Variants in SRP54 observed in about 807,000 individuals in gnomAD.
The protein encoded by SRP54 is signal recognition particle 54, also known as signal recognition particle subunit SRP54.
Under a neutral mutation model 64.8 loss-of-function variants are expected in SRP54, and 10 were observed. The observed-to-expected ratio is 0.15, with a 90% CI of 0.10 to 0.26. The LOEUF is 0.26. Ranked by LOEUF, SRP54 falls within the 10% of genes least tolerant of loss-of-function variation. The pLI is 1.00. For missense variants in SRP54, 325 were observed against 613.7 expected, an observed-to-expected ratio of 0.53 and a Z score of 4.97; for synonymous variants, 193 against 185.6, an observed-to-expected ratio of 1.04 and a Z score of -0.32.
intron 14 of SRP54, among the ~76,000 whole-genome samples, chr14:35,026,714 G>A (rs2044631825): frequency 6.6e-6 from 1 of 152,186 alleles, no homozygotes; most frequent in South Asian, 2.1e-4. Flanking sequence ...GGAGGCCAAG[G>A]CGGGCAGATC....
intron 14 of SRP54, among the ~76,000 whole-genome samples, chr14:35,024,325 G>A (rs1456906741): frequency 2.0e-5 from 3 of 152,144 alleles, no homozygotes; most frequent in African/African-American, 7.2e-5. Flanking sequence ...CACCACGTCC[G>A]GCCTCACTTC....
At position 34,983,139 on chromosome 14, in the gene SRP54, GTT is replaced by G. The variant is rs1219950342; in HGVS notation, c.-108_-107del. ...GTCTGTCTGCTCCCAGCTTTCTTGG[GTT>G]TCTTCCGACGGCGTGGGGCCTCGCT... On this transcript the variant is annotated 5_prime_UTR_variant, in exon 1 of 16. Transcript: ENST00000216774. 1 of 152,432 alleles carries G rather than the reference GTT, an allele frequency of 6.6e-6. No individual in the cohort carries two copies. Among genetic ancestry groups the G allele is most frequent in the East Asian group, 1.9e-4 (1 of 5,202 alleles). 9.4% of individuals were successfully genotyped at this position (152,432 alleles called of 1,614,324 possible).
chr14:34,998,207 G>T (rs1263853975), intron 2 of SRP54, among the ~76,000 whole-genome samples: 1 of 152,130 alleles, frequency 6.6e-6, no homozygotes, highest in Non-Finnish European at 1.5e-5. Context: ...TGTTTTTGCA[G>T]ACATTTTTGC....
chr14:35,021,240 C>T (rs78226135), intron 13 of SRP54, among the ~76,000 whole-genome samples: 3,206 of 152,198 alleles, frequency 0.021, 53 homozygotes, highest in Non-Finnish European at 0.03. Context: ...TGTAGGAAAT[C>T]AGGATGATAA....
intron 1 of SRP54, among the ~76,000 whole-genome samples, chr14:34,991,340 G>T (rs1256076106): frequency 1.3e-5 from 2 of 151,592 alleles, no homozygotes; most frequent in Admixed American, 6.6e-5. Flanking sequence ...ATGTTGGCCA[G>T]GCTGGTCTCG....
rs2044385953 is a variant in SRP54 at position 35,013,352 on chromosome 14, G to C, written c.643G>C (p.Asp215His). 1 of 1,612,986 alleles carries C rather than the reference G, an allele frequency of 6.2e-7. No homozygotes were observed. Reference protein sequence around the residue: ...MLQVANAIQPDNIVYVMDASI... With the variant: ...MLQVANAIQPHNIVYVMDASI... Reference sequence around the variant, plus strand: ...TTCTATTTAAACTTTCTAGCAACCTGATAACATTGTTTATGTGATGGATGC... The same window carrying C: ...TTCTATTTAAACTTTCTAGCAACCTCATAACATTGTTTATGTGATGGATGC... The change falls in exon 9 of 16, where the codon GAT (aspartate) becomes CAT (histidine). Residue 215 changes from aspartate to histidine, a missense_variant. Around this residue, in one of 3 missense-constraint regions of SRP54, gnomAD observed 156 missense variants for 254.6 expected, o/e 0.61. Transcript: ENST00000216774.
chr14:34,996,977 A>G (rs2044081704), intron 2 of SRP54, 190 bp downstream of exon 2: 1 of 412,814 alleles, frequency 2.4e-6, no homozygotes, highest in Non-Finnish European at 4.3e-6. Context: ...ATTTACTTCA[A>G]CTTTCTATAA....
At chr14:35,018,669 G>A (rs766772142) in intron 11 of SRP54, 23 bp from the exon 12 acceptor site, 52 of 1,586,294 alleles carry the variant, frequency 3.3e-5, no homozygotes, top group African/African-American at 4.1e-5. Context: ...TAATATATCC[G>A]AATTATTTAC....
chr14:35,001,870 G>A (rs1250599381), intron 4 of SRP54, among the ~76,000 whole-genome samples: 1 of 151,632 alleles, frequency 6.6e-6, no homozygotes, highest in Non-Finnish European at 1.5e-5. Context: ...ATATATATGG[G>A]CTCAGTTGTA....
At chr14:34,995,093 T>A (rs1319278818) in intron 1 of SRP54, among the ~76,000 whole-genome samples, 3 of 144,226 alleles carry the variant, frequency 2.1e-5, no homozygotes. Context: ...TTTTTTTCCT[T>A]TTTTTTTTTT....
chr14:35,024,348 T>C (rs892559951), intron 14 of SRP54, among the ~76,000 whole-genome samples: 2 of 152,292 alleles, frequency 1.3e-5, no homozygotes, highest in African/African-American at 4.8e-5. Context: ...TTTTAATGGT[T>C]GAATATTTTC....
intron 2 of SRP54, among the ~76,000 whole-genome samples, chr14:34,999,267 G>A (rs10083515): frequency 0.018 from 2,712 of 151,838 alleles, 70 homozygotes; most frequent in African/African-American, 0.059. Flanking sequence ...TGCCCACCTC[G>A]GCCTCCCAAA....
intron 2 of SRP54, 88 bp downstream of exon 2, chr14:34,996,875 T>A (rs1295256787): frequency 1.2e-5 from 11 of 944,522 alleles, no homozygotes; most frequent in Non-Finnish European, 1.7e-5. Flanking sequence ...TGTATTTATA[T>A]GTATTTTGAT....
chr14:34,996,715 T>C lies in SRP54; in HGVS notation c.6T>C (p.Val2=), dbSNP rs149218075. Residue 2 remains valine (V), a synonymous_variant, in exon 2 of 16, where the codon GTT becomes GTC. Transcript: ENST00000216774. Reference sequence around the variant, plus strand: ...TACATCTTAAAGCTGTCAAGATGGTTCTAGCAGACCTTGGAAGAAAAATAA... The same window carrying C: ...TACATCTTAAAGCTGTCAAGATGGTCCTAGCAGACCTTGGAAGAAAAATAA... M[V]LADLGRKITS... 1 of 1,612,918 alleles carries C rather than the reference T, an allele frequency of 6.2e-7. No homozygotes were observed. The highest frequency in any genetic ancestry group is 8.5e-7 in the Non-Finnish European group (1 of 1,178,980).
intron 1 of SRP54, among the ~76,000 whole-genome samples, chr14:34,984,810 A>G (rs1398952294): frequency 1.3e-5 from 2 of 151,684 alleles, no homozygotes; most frequent in South Asian, 4.2e-4. Context: ...CCTAAACCTT[A>G]TTCTTTAGCC....
intron 4 of SRP54, among the ~76,000 whole-genome samples, chr14:35,001,887 A>G (rs973065772): frequency 6.6e-6 from 1 of 152,092 alleles, no homozygotes; most frequent in Non-Finnish European, 1.5e-5. Flanking sequence ...TGTAGAAAAA[A>G]AAAGAAAGGA....
chr14:34,991,628 A>AG (rs1222636154), intron 1 of SRP54, among the ~76,000 whole-genome samples: 1 of 150,486 alleles, frequency 6.6e-6, no homozygotes, highest in Non-Finnish European at 1.5e-5. Flanking sequence ...TGTCAAGCAG[A>AG]GGAAGAGCAT....
At chr14:35,010,569 A>G (rs2139002577) in intron 7 of SRP54, among the ~76,000 whole-genome samples, 1 of 152,286 alleles carries the variant, frequency 6.6e-6, no homozygotes, top group Non-Finnish European at 1.5e-5. Flanking sequence ...GTTTGAGACC[A>G]TCCTGACCAA....
chr14:34,986,875 C>CAA (rs544431921), intron 1 of SRP54, among the ~76,000 whole-genome samples: 5,499 of 129,342 alleles, frequency 0.043, 100 homozygotes, highest in Middle Eastern at 0.078. Flanking sequence ...GACTCTGTCT[C>CAA]AAAAAAAAAA....
Sources: allele counts gnomAD v4.1 joint callset (sites outside exome capture counted in the v4.1 genomes callset), GRCh38; gene constraint gnomAD v4.1.1; regional missense constraint gnomAD v4.1.1; transcripts MANE v1.5; gene names NCBI Gene and HGNC (gene_info 2026-07-23, HGNC 2026-07-21).